CPVL: variants seen among roughly 807,000 people sequenced by gnomAD.
The protein encoded by CPVL is probable serine carboxypeptidase CPVL.
CPVL carries 51 observed loss-of-function variants against 63.7 expected under a neutral mutation model. The ratio of observed to expected loss-of-function variants is 0.80; its 90% confidence interval spans 0.64 to 1.01. The LOEUF (loss-of-function observed/expected upper bound fraction) is 1.01, where lower values mean the gene tolerates loss of function less well. Ranked by LOEUF, CPVL falls within the 50% of genes least tolerant of loss-of-function variation. The pLI is 0.00. For synonymous variants in CPVL, 195 were observed against 206.0 expected, an observed-to-expected ratio of 0.95 and a Z score of 0.46; for missense variants, 530 against 573.1, an observed-to-expected ratio of 0.92 and a Z score of 0.77.
chr7:29,051,449 A>G (rs927377846), intron 11 of CPVL, among the ~76,000 whole-genome samples: 1 of 152,128 alleles, frequency 6.6e-6, no homozygotes, highest in Non-Finnish European at 1.5e-5. Context: ...ATGAATAGAC[A>G]ATTCTCAAAA....
chr7:29,064,634 G>A (rs1310137049), intron 10 of CPVL, among the ~76,000 whole-genome samples: 2 of 152,084 alleles, frequency 1.3e-5, no homozygotes, highest in South Asian at 2.1e-4. Flanking sequence ...GATCACAAGG[G>A]CCAGGTTGGT....
In CPVL at chr7:29,071,785, A is replaced by C; in HGVS notation, c.852T>G (p.Phe284Leu). 6.4e-7 allele frequency: 1 copy of C among 1,570,044 alleles called. No individual in the cohort carries two copies. Residue 284 changes from phenylalanine to leucine, a missense_variant, in exon 9 of 13, where the codon TTT becomes TTG. Coordinates refer to ENST00000265394, the MANE Select transcript of CPVL (RefSeq NM_031311.5). Reference sequence around the variant, plus strand: ...CCCCAGAACTCACTTCAAAGGCCTCAAACCAGTTCTGCTTCCTGATGTGTT... The same window carrying C: ...CCCCAGAACTCACTTCAAAGGCCTCCAACCAGTTCTGCTTCCTGATGTGTT... ...CIEHIRKQNW[F>L]EAFEILDKLL...
At chr7:29,097,266 A>G (rs1322700606) in intron 3 of CPVL, among the ~76,000 whole-genome samples, 1 of 152,246 alleles carries the variant, frequency 6.6e-6, no homozygotes, top group East Asian at 1.9e-4. Flanking sequence ...TATTTCATTC[A>G]ATGTGTATTT....
chr7:29,058,881 T>C (rs1199756494), intron 11 of CPVL, among the ~76,000 whole-genome samples: 1 of 152,128 alleles, frequency 6.6e-6, no homozygotes, highest in African/African-American at 2.4e-5. Context: ...TTTTCTTGAT[T>C]ATTTTGTTTT....
chr7:29,124,200 T>C (rs1789725001), intron 1 of CPVL, among the ~76,000 whole-genome samples: 1 of 152,182 alleles, frequency 6.6e-6, no homozygotes, highest in African/African-American at 2.4e-5. Flanking sequence ...TTTTATTTAT[T>C]GAACATTTAT....
chr7:29,185,871 T>C (rs1798648843), intron 2 of CPVL, among the ~76,000 whole-genome samples: 5 of 152,172 alleles, frequency 3.3e-5, no homozygotes, highest in Admixed American at 3.3e-4. Flanking sequence ...ATATTAAAGG[T>C]TGCACAGCCC....
chr7:29,016,556 G>A (rs1786431308), intron 12 of CPVL, among the ~76,000 whole-genome samples: 1 of 152,090 alleles, frequency 6.6e-6, no homozygotes. Flanking sequence ...CTAGCTGAAG[G>A]TCTGATTCCT....
chr7:29,132,806 T>C (rs1790828219), intron 1 of CPVL, among the ~76,000 whole-genome samples: 1 of 152,206 alleles, frequency 6.6e-6, no homozygotes, highest in Admixed American at 6.5e-5. Context: ...GGTCTTATTC[T>C]AGTGTAACCC....
chr7:29,194,839 C>G, intron 1 of CPVL: 3 of 1,118,846 alleles, frequency 2.7e-6, no homozygotes, highest in Non-Finnish European at 3.5e-6. Flanking sequence ...CAGGACTTTG[C>G]CATGGGCTGG....
Position 29,095,142 on chromosome 7 carries a change from A to G in CPVL, c.404T>C (p.Leu135Ser). Reference protein sequence around the residue: ...GPYVVTSNMTLRDRDFPWTTT... With the variant: ...GPYVVTSNMTSRDRDFPWTTT... ...GGTCCAGGGGAAGTCTCTGTCACGC[A>G]CTGTGAAAACAAAGAAGAGGGGTGA... Residue 135 changes from leucine (L) to serine (S), a missense_variant and splice_region_variant, in exon 5 of 13, where the codon TTG becomes TCG. By Grantham distance (145) the Leu-to-Ser change is moderately radical (BLOSUM62 -2). Coordinates refer to ENST00000265394, the MANE Select transcript of CPVL (RefSeq NM_031311.5). The G allele has an allele frequency of 6.2e-7, 1 of 1,613,494 alleles. No individual in the cohort carries two copies. The highest frequency in any genetic ancestry group is 8.5e-7 in the Non-Finnish European group (1 of 1,179,492).
At position 29,096,151 on chromosome 7, in the gene CPVL, C is replaced by T. The variant is rs1351129216; in HGVS notation, c.355G>A (p.Gly119Arg). ...QGGPGGSSMFGLFVEHGPYVV... is the reference protein window; with the variant it reads ...QGGPGGSSMFRLFVEHGPYVV... ...TAAGGCCCATGTTCCACAAAGAGTC[C>T]AAACATGGATGAACCTCCCGGCCCA... The change falls in exon 4 of 13, where the codon GGA (glycine) becomes AGA (arginine). Residue 119 changes from glycine (G) to arginine (R), a missense_variant. Physicochemically the swap from Gly to Arg is moderately radical, Grantham distance 125 (BLOSUM62 -2). Transcript: ENST00000265394. 3 of 1,614,170 alleles carry T rather than the reference C, an allele frequency of 1.9e-6. No homozygotes were observed. The South Asian group carries it at 3.3e-5, about 18-fold the overall frequency.
chr7:29,073,930 G>T (rs1265692963), intron 7 of CPVL, among the ~76,000 whole-genome samples: 1 of 152,210 alleles, frequency 6.6e-6, no homozygotes, highest in Non-Finnish European at 1.5e-5. Context: ...AAACAGACTA[G>T]AGACATTATG....
upstream of CPVL, chr7:29,146,568 G>A: frequency 6.5e-7 from 1 of 1,537,742 alleles, no homozygotes; most frequent in Non-Finnish European, 8.8e-7. Context: ...GCCTTTAAGC[G>A]CTCCTCTAGG....
chr7:29,039,730 G>C (rs139649145), intron 11 of CPVL, among the ~76,000 whole-genome samples: 1 of 152,032 alleles, frequency 6.6e-6, no homozygotes, highest in South Asian at 2.1e-4. Flanking sequence ...CCTGCTTACA[G>C]CTCTTACTTA....
chr7:29,139,535 G>C (rs1045266483), intron 1 of CPVL, among the ~76,000 whole-genome samples: 1 of 151,872 alleles, frequency 6.6e-6, no homozygotes, highest in African/African-American at 2.4e-5. Flanking sequence ...TATTCTTGGG[G>C]GGGCAGGGGG....
intron 5 of CPVL, among the ~76,000 whole-genome samples, chr7:29,162,934 A>G (rs1222019638): frequency 6.6e-6 from 1 of 152,204 alleles, no homozygotes; most frequent in Non-Finnish European, 1.5e-5. Context: ...AACGTTATAG[A>G]AATATACACA....
chr7:29,147,906 C>T (rs1210085062), upstream of CPVL, among the ~76,000 whole-genome samples: 1 of 152,184 alleles, frequency 6.6e-6, no homozygotes, highest in Non-Finnish European at 1.5e-5. Context: ...CAGATTGAAA[C>T]TTTGGATGAT....
intron 8 of CPVL, 42 bp downstream of exon 8, chr7:29,072,259 C>T: frequency 6.2e-6 from 10 of 1,605,892 alleles, no homozygotes; most frequent in Non-Finnish European, 8.5e-6. Context: ...GGCATTTAAT[C>T]CCCCTAAGAG....
chr7:29,007,752 AACACACAC>A (rs70977090), intron 12 of CPVL, among the ~76,000 whole-genome samples: 7 of 149,922 alleles, frequency 4.7e-5, no homozygotes, highest in African/African-American at 1.7e-4. Flanking sequence ...GTAGTATTAA[AACACACAC>A]ACACACACAC....
Sources: gnomAD v4.1 joint callset for allele counts (sites outside exome capture counted in the v4.1 genomes callset) on GRCh38, gnomAD v4.1.1 for gene constraint, MANE v1.5 for transcripts, NCBI Gene and HGNC (gene_info 2026-07-23, HGNC 2026-07-21) for gene names.